The following ANKRD54 variants were observed in gnomAD, a reference collection of about 807,000 sequenced individuals.
The protein encoded by ANKRD54 is ankyrin repeat domain 54, also known as ankyrin repeat domain-containing protein 54.
ANKRD54 carries 26 observed loss-of-function variants against 36.2 expected under a neutral mutation model. That is an observed-to-expected ratio of 0.72 (90% confidence interval 0.53 to 1.00). The LOEUF (loss-of-function observed/expected upper bound fraction) is 1.00, where lower values mean the gene tolerates loss of function less well. Ranked by LOEUF, ANKRD54 falls within the 50% of genes least tolerant of loss-of-function variation. ANKRD54 has a pLI of 0.00. For synonymous variants in ANKRD54, 209 were observed against 188.4 expected, an observed-to-expected ratio of 1.11 and a Z score of -0.89; for missense variants, 384 against 424.3, an observed-to-expected ratio of 0.91 and a Z score of 0.83.
intron 7 of ANKRD54, 52 bp from the exon 8 acceptor site, chr22:37,832,069 C>T (rs943739868): frequency 1.9e-6 from 3 of 1,544,726 alleles, no homozygotes; most frequent in South Asian, 2.3e-5. Context: ...TGCCAGGGCT[C>T]CTGGGTCTCT....
rs773327417 is a variant in ANKRD54 at position 37,838,614 on chromosome 22, CAGAG to C, written c.377-20_377-17del. 3 of 1,603,068 alleles carry C rather than the reference CAGAG, an allele frequency of 1.9e-6. No homozygotes were observed. Among genetic ancestry groups the C allele is most frequent in the South Asian group, 1.1e-5 (1 of 89,174 alleles). ...AGCTGCTGCACTGACACCACCAAGACAGAGGGAGGAAGGGGGAGAAAGCGGCGAT... is the reference window on the plus strand; with the variant it reads ...AGCTGCTGCACTGACACCACCAAGACGGAGGAAGGGGGAGAAAGCGGCGAT... On this transcript the variant is annotated splice_polypyrimidine_tract_variant and intron_variant, in intron 2 of 7. Coordinates refer to ENST00000215941, the MANE Select transcript of ANKRD54 (RefSeq NM_138797.4).
intron 7 of ANKRD54, 63 bp downstream of exon 7, chr22:37,832,574 C>T: frequency 6.8e-7 from 1 of 1,476,760 alleles, no homozygotes; most frequent in South Asian, 1.1e-5. Flanking sequence ...GGCATCGGAG[C>T]AGGGTGGACT....
chr22:37,844,537 G>A (rs1924711943), upstream of ANKRD54: 1 of 366,442 alleles, frequency 2.7e-6, no homozygotes, highest in Admixed American at 4.7e-5. Context: ...CAAACTTGAA[G>A]TGACCTTGGC....
At chr22:37,843,836 C>T (rs1924592067) in intron 1 of ANKRD54, 75 bp downstream of exon 1, 4 of 1,088,712 alleles carry the variant, frequency 3.7e-6, no homozygotes, top group Non-Finnish European at 4.6e-6. Flanking sequence ...CAAAGCGCGG[C>T]CACTGGTCCT....
In ANKRD54 at chr22:37,833,677, T is replaced by G; in HGVS notation, c.547+7A>C. On this transcript the variant is annotated splice_region_variant and intron_variant, in intron 4 of 7. Transcript: ENST00000215941. ...TGAGTTGTCTTAGTGACTTCTGACA[T>G]GCTTACCCAGGTGCAGTGGCGTGTT... 1 of 1,613,878 alleles carries G rather than the reference T, an allele frequency of 6.2e-7. No homozygotes were observed. The highest frequency in any genetic ancestry group is 1.1e-5 in the South Asian group (1 of 91,078).
upstream of ANKRD54, among the ~76,000 whole-genome samples, chr22:37,847,064 G>A (rs1459632292): frequency 1.3e-5 from 2 of 150,764 alleles, no homozygotes; most frequent in African/African-American, 2.4e-5. Flanking sequence ...CATTTTAGCC[G>A]GGATGGTCTC....
At chr22:37,846,976 C>G (rs2145998563), upstream of ANKRD54, among the ~76,000 whole-genome samples, 1 of 150,862 alleles carries the variant, frequency 6.6e-6, no homozygotes, top group South Asian at 2.1e-4. Flanking sequence ...GCCTCAGCCT[C>G]CCAAGTAGCT....
At chr22:37,842,955 C>T (rs1401436364) in intron 1 of ANKRD54, among the ~76,000 whole-genome samples, 1 of 152,214 alleles carries the variant, frequency 6.6e-6, no homozygotes, top group Non-Finnish European at 1.5e-5. Flanking sequence ...TGGAATAAGA[C>T]AATTTCTCTG....
chr22:37,846,763 T>A (rs1924861631), upstream of ANKRD54, among the ~76,000 whole-genome samples: 1 of 152,182 alleles, frequency 6.6e-6, no homozygotes, highest in African/African-American at 2.4e-5. Flanking sequence ...CCTTCTCAAA[T>A]GTCATGAACA....
At chr22:37,841,082 GAAA>G (rs59447633) in intron 1 of ANKRD54, among the ~76,000 whole-genome samples, 7,172 of 122,974 alleles carry the variant, frequency 0.058, 597 homozygotes, top group African/African-American at 0.19. Context: ...ACTGTCTCAG[GAAA>G]AAAAAAAAAA....
rs1362616696 is a variant in ANKRD54 at position 37,833,861 on chromosome 22, G to GC, written c.476-107dup. The GC allele has an allele frequency of 5.3e-6, 5 of 939,856 alleles. No homozygotes were observed. In the African/African-American group the frequency reaches 8.1e-5, roughly 15 times the overall value. The allele number at this position is 939,856 out of a possible 1,614,324, so 58.2% of individuals were successfully genotyped here. A position where few individuals can be genotyped will look rare whatever the true frequency, so the allele number is the denominator to read the frequency against. On this transcript the variant is annotated intron_variant, in intron 3 of 7. Coordinates refer to ENST00000215941, the MANE Select transcript of ANKRD54 (RefSeq NM_138797.4). ...TGGCTCAGAGTAGGGGACACGGAAT[G>GC]CAAGCATGGATGGCTGTGTTACTTC...
At chr22:37,837,923 G>C (rs542225400) in intron 3 of ANKRD54, among the ~76,000 whole-genome samples, 1 of 152,326 alleles carries the variant, frequency 6.6e-6, no homozygotes, top group African/African-American at 2.4e-5. Flanking sequence ...CACGAGGTCA[G>C]GAGATCGAGA....
Position 37,844,083 on chromosome 22 carries a change from G to A in ANKRD54, c.156C>T (p.Gly52=). 2.8e-6 allele frequency: 4 copies of A among 1,448,428 alleles called. No individual in the cohort carries two copies. The South Asian group carries it at 5.4e-5, about 20-fold the overall frequency. 89.7% of individuals were successfully genotyped at this position (1,448,428 alleles called of 1,614,324 possible). The change falls in exon 1 of 8, where the codon GGC becomes GGT. Residue 52 remains glycine, a synonymous_variant. Coordinates refer to ENST00000215941, the MANE Select transcript of ANKRD54 (RefSeq NM_138797.4). ...CCCCGCCGGACGCCCGGCCCGAGAGGCCCGCGCCGCCGCCGCCCAGCGCAG... is the reference window on the plus strand; with the variant it reads ...CCCCGCCGGACGCCCGGCCCGAGAGACCCGCGCCGCCGCCGCCCAGCGCAG... ...FGSALGGGGA[G]LSGRASGGAQ...
chr22:37,844,295 A>T lies in ANKRD54; in HGVS notation c.-57T>A. On this transcript the variant is annotated 5_prime_UTR_variant, in exon 1 of 8. Transcript: ENST00000215941. ...AGCCTCGTTCCCGACCGACCAACGG[A>T]CCTACTTCCCTCCGCCCTGAGTCGT... The T allele has an allele frequency of 2.0e-6, 3 of 1,524,546 alleles. No individual in the cohort carries two copies. Among genetic ancestry groups the T allele is most frequent in the Non-Finnish European group, 2.6e-6 (3 of 1,138,566 alleles). 94.4% of individuals were successfully genotyped at this position (1,524,546 alleles called of 1,614,324 possible). A position where few individuals can be genotyped will look rare whatever the true frequency, so the allele number is the denominator to read the frequency against.
chr22:37,831,910 G>C lies in ANKRD54; in HGVS notation c.*33C>G, dbSNP rs56355957. ...ACTGAGACAGCAGTGGGGCAGGGTGGGGCAGTGGCAGGAAGGCAGGGAGCC... is the reference window on the plus strand; with the variant it reads ...ACTGAGACAGCAGTGGGGCAGGGTGCGGCAGTGGCAGGAAGGCAGGGAGCC... On this transcript the variant is annotated 3_prime_UTR_variant, in exon 8 of 8. Coordinates refer to ENST00000215941, the MANE Select transcript of ANKRD54 (RefSeq NM_138797.4). 11,221 of 1,607,896 alleles carry C rather than the reference G, an allele frequency of 7.0e-3. 55 individuals are homozygous for C. The highest frequency in any genetic ancestry group is 8.6e-3 in the Non-Finnish European group (10,130 of 1,175,946).
chr22:37,833,679 C>T lies in ANKRD54; in HGVS notation c.547+5G>A, dbSNP rs1923178617. ...AGTTGTCTTAGTGACTTCTGACATGCTTACCCAGGTGCAGTGGCGTGTTCC... is the reference window on the plus strand; with the variant it reads ...AGTTGTCTTAGTGACTTCTGACATGTTTACCCAGGTGCAGTGGCGTGTTCC... On this transcript the variant is annotated splice_donor_5th_base_variant and intron_variant, in intron 4 of 7. Transcript: ENST00000215941. The T allele has an allele frequency of 6.2e-7, 1 of 1,614,006 alleles. No individual in the cohort carries two copies. The highest frequency in any genetic ancestry group is 2.2e-5 in the East Asian group (1 of 44,886).
At chr22:37,838,927 T>C (rs1262576687) in intron 2 of ANKRD54, among the ~76,000 whole-genome samples, 1 of 152,134 alleles carries the variant, frequency 6.6e-6, no homozygotes, top group Non-Finnish European at 1.5e-5. Context: ...GACCTCGGCT[T>C]GGATACACAT....
upstream of ANKRD54, chr22:37,849,321 A>G (rs565553361): frequency 8.8e-7 from 1 of 1,140,328 alleles, no homozygotes; most frequent in East Asian, 2.3e-5. Context: ...GCTGTCTCAG[A>G]TGGCCAGAGG....
chr22:37,838,008 G>A (rs546564400), intron 3 of ANKRD54, among the ~76,000 whole-genome samples: 1 of 152,192 alleles, frequency 6.6e-6, no homozygotes, highest in South Asian at 2.1e-4. Flanking sequence ...GGTGGCGGGT[G>A]CCTGTAGTCC....
Sources: allele counts gnomAD v4.1 joint callset (sites outside exome capture counted in the v4.1 genomes callset), GRCh38; gene constraint gnomAD v4.1.1; transcripts MANE v1.5; gene names NCBI Gene and HGNC (gene_info 2026-07-23, HGNC 2026-07-21).